PDGFD: variants seen among roughly 807,000 people sequenced by gnomAD.
PDGFD encodes platelet derived growth factor D, also known as platelet-derived growth factor D.
Under a neutral mutation model 44.7 loss-of-function variants are expected in PDGFD, and 30 were observed. The observed-to-expected ratio is 0.67, with a 90% CI of 0.50 to 0.91. The LOEUF (loss-of-function observed/expected upper bound fraction) is 0.91. Among genes scored for constraint, PDGFD ranks in the 40% least tolerant of loss-of-function variants. The probability of loss-of-function intolerance (pLI) is 0.00; values close to 1 mark genes in which losing one functional copy is unlikely to be tolerated. For missense variants in PDGFD, 445 were observed against 457.8 expected (o/e 0.97, Z 0.25); for synonymous variants, 173 against 168.4 (o/e 1.03, Z -0.21).
intron 1 of PDGFD, among the ~76,000 whole-genome samples, chr11:104,091,438 G>T (rs1467602667): frequency 6.6e-6 from 1 of 152,116 alleles, no homozygotes; most frequent in Admixed American, 6.6e-5. Flanking sequence ...TAGAGCTACT[G>T]GATCAGGAAA....
At chr11:103,964,623 C>T (rs138453819) in intron 3 of PDGFD, among the ~76,000 whole-genome samples, 42 of 152,132 alleles carry the variant, frequency 2.8e-4, no homozygotes, top group Admixed American at 5.9e-4. Context: ...CCTGTGGCAC[C>T]CTTCTAATCT....
At chr11:104,096,770 T>C (rs1258111248) in intron 1 of PDGFD, among the ~76,000 whole-genome samples, 1 of 152,114 alleles carries the variant, frequency 6.6e-6, no homozygotes, top group East Asian at 1.9e-4. Context: ...AAAGGACTGG[T>C]GTAGAATGTA....
At chr11:104,028,222 A>C (rs942277502) in intron 1 of PDGFD, among the ~76,000 whole-genome samples, 3 of 150,532 alleles carry the variant, frequency 2.0e-5, no homozygotes, top group Admixed American at 2.0e-4. Context: ...CATAGCATGG[A>C]TTCCTTTTTC....
At chr11:104,150,948 T>C (rs1311493533) in intron 1 of PDGFD, among the ~76,000 whole-genome samples, 4 of 152,196 alleles carry the variant, frequency 2.6e-5, no homozygotes, top group East Asian at 1.9e-4. Context: ...TATTCAGCCA[T>C]AGGACAAACC....
At position 104,031,888 on chromosome 11, in the gene PDGFD, C is replaced by G. The variant is rs77065062; in HGVS notation, c.125-31633G>C. 5.3e-5 allele frequency among the ~76,000 whole-genome samples: 8 copies of G among 152,242 alleles called. No homozygotes were observed. The East Asian group carries it at 1.5e-3, about 29-fold the overall frequency. On this transcript the variant is annotated intron_variant, in intron 1 of 6. Transcript: ENST00000393158. The stretch of plus-strand genomic sequence containing the variant: ...AGCCATTATCCTCAGCAAACTCATA[C>G]AGGAACAGAAAGCCAAACGTCTCAT...
intron 1 of PDGFD, among the ~76,000 whole-genome samples, chr11:104,098,589 G>A (rs1434964507): frequency 1.3e-5 from 2 of 150,204 alleles, no homozygotes; most frequent in Non-Finnish European, 2.9e-5. Context: ...AATGCATGCA[G>A]CCTCAACCTC....
At chr11:104,149,217 C>A (rs1443687296) in intron 1 of PDGFD, among the ~76,000 whole-genome samples, 1 of 152,056 alleles carries the variant, frequency 6.6e-6, no homozygotes, top group Non-Finnish European at 1.5e-5. Flanking sequence ...CACTTAATGT[C>A]ATCTATAGGT....
intron 1 of PDGFD, among the ~76,000 whole-genome samples, chr11:104,040,330 C>T (rs1025443703): frequency 1.3e-5 from 2 of 151,952 alleles, no homozygotes; most frequent in African/African-American, 4.8e-5. Context: ...ATCATCTATA[C>T]TGAATTGAAA....
chr11:104,100,745 AT>A (rs1322697338), intron 1 of PDGFD, among the ~76,000 whole-genome samples: 1 of 152,192 alleles, frequency 6.6e-6, no homozygotes, highest in Non-Finnish European at 1.5e-5. Flanking sequence ...CAAAAAGCTT[AT>A]CCACCATGAT....
intron 1 of PDGFD, among the ~76,000 whole-genome samples, chr11:104,151,983 T>TG (rs1339230965): frequency 1.3e-5 from 2 of 152,192 alleles, no homozygotes; most frequent in Non-Finnish European, 2.9e-5. Context: ...GGCACTGCCT[T>TG]GCCCTATGTT....
intron 6 of PDGFD, among the ~76,000 whole-genome samples, chr11:103,925,933 TG>T (rs1261843867): frequency 1.3e-5 from 2 of 152,020 alleles, no homozygotes; most frequent in Non-Finnish European, 2.9e-5. Context: ...TTTGCCATGT[TG>T]GCCACGCTGT....
intron 1 of PDGFD, among the ~76,000 whole-genome samples, chr11:104,089,790 TA>T (rs1375398230): frequency 1.3e-5 from 2 of 152,162 alleles, no homozygotes; most frequent in Non-Finnish European, 2.9e-5. Context: ...CTGCTTTAAA[TA>T]AAAGCCTCCA....
chr11:104,133,165 T>A (rs1275222442), intron 1 of PDGFD, among the ~76,000 whole-genome samples: 1 of 152,104 alleles, frequency 6.6e-6, no homozygotes, highest in African/African-American at 2.4e-5. Flanking sequence ...ACTTTGGTAC[T>A]CAAATATTTG....
At chr11:104,157,681 T>C (rs1862327299) in intron 1 of PDGFD, among the ~76,000 whole-genome samples, 2 of 152,174 alleles carry the variant, frequency 1.3e-5, no homozygotes, top group East Asian at 3.8e-4. Flanking sequence ...GGAGAAGGCA[T>C]GCTGGATTTT....
chr11:103,909,641 C>A lies in PDGFD; in HGVS notation c.*53G>T. On this transcript the variant is annotated 3_prime_UTR_variant, in exon 7 of 7. Transcript: ENST00000393158. ...GTAGGAAAAGGGTCTCTTATCTCAC[C>A]CTCCTTAAACTAAAGGTTCTTTCAG... The A allele has an allele frequency of 6.2e-7, 1 of 1,604,554 alleles. No individual in the cohort carries two copies. Among genetic ancestry groups the A allele is most frequent in the South Asian group, 1.1e-5 (1 of 90,534 alleles).
chr11:104,058,111 A>G (rs572485861), intron 1 of PDGFD, among the ~76,000 whole-genome samples: 1 of 152,318 alleles, frequency 6.6e-6, no homozygotes, highest in East Asian at 1.9e-4. Context: ...GCAATTTATT[A>G]GAACACAAAA....
At chr11:104,081,009 G>T (rs1240686016) in intron 1 of PDGFD, among the ~76,000 whole-genome samples, 1 of 152,192 alleles carries the variant, frequency 6.6e-6, no homozygotes, top group Admixed American at 6.5e-5. Flanking sequence ...TGCAGCTCTA[G>T]CTGACATCTT....
intron 1 of PDGFD, among the ~76,000 whole-genome samples, chr11:104,065,288 GT>G (rs763842710): frequency 9.2e-5 from 14 of 151,926 alleles, no homozygotes; most frequent in Non-Finnish European, 1.8e-4. Context: ...TATTATTTCT[GT>G]CCCTTTAGAG....
intron 3 of PDGFD, among the ~76,000 whole-genome samples, chr11:103,949,316 C>T (rs1462985831): frequency 6.6e-6 from 1 of 152,094 alleles, no homozygotes; most frequent in African/African-American, 2.4e-5. Flanking sequence ...TTATTCTAAT[C>T]TTAATCCTAG....
Sources: allele counts gnomAD v4.1 joint callset (sites outside exome capture counted in the v4.1 genomes callset), GRCh38; gene constraint gnomAD v4.1.1; transcripts MANE v1.5; gene names NCBI Gene and HGNC (gene_info 2026-07-23, HGNC 2026-07-21).